Variants in SH3BGRL2 observed in about 807,000 individuals in gnomAD.
The protein encoded by SH3BGRL2 is SH3 domain binding glutamate rich protein like 2.
Under a neutral mutation model 14.8 loss-of-function variants are expected in SH3BGRL2, and 21 were observed. The ratio of observed to expected loss-of-function variants is 1.42; its 90% CI spans 1.01 to 2.05. The LOEUF (loss-of-function observed/expected upper bound fraction) is 2.05, where lower values mean the gene tolerates loss of function less well. Among genes scored for constraint, SH3BGRL2 ranks in the 30% most tolerant of loss-of-function variants. The probability of loss-of-function intolerance (pLI) is 0.00; values close to 1 mark genes in which losing one functional copy is unlikely to be tolerated. For missense variants in SH3BGRL2, 147 were observed against 130.8 expected (o/e 1.12, Z -0.61); for synonymous variants, 50 against 47.8 (o/e 1.05, Z -0.19).
the SH3BGRL2 span, among the ~76,000 whole-genome samples, chr6:79,560,351 T>C: frequency 6.6e-6 from 1 of 152,136 alleles, no homozygotes; most frequent in African/African-American, 2.4e-5. Flanking sequence ...AGTAGAGTTA[T>C]TGAACATATA....
rs1268670133 is a variant in SH3BGRL2, at chr6:79,673,789, G to A, written c.221G>A (p.Arg74Gln). 6 of 1,613,584 alleles carry A rather than the reference G, an allele frequency of 3.7e-6. No homozygotes were observed. Among genetic ancestry groups the A allele is most frequent in the Non-Finnish European group, 4.2e-6 (5 of 1,179,764 alleles). The change falls in exon 2 of 4, where the codon CGA becomes CAA. Residue 74 changes from arginine to glutamine, a missense_variant. By Grantham distance (43) the Arg-to-Gln change is conservative (BLOSUM62 1). Coordinates refer to ENST00000369838, the MANE Select transcript of SH3BGRL2 (RefSeq NM_031469.4). ...CCACCTCAGATATTTAATGGCGACC[G>A]ATACTGTGGAGTAAGTGGCTAGACT... is the stretch of plus-strand genomic sequence containing the variant. ...PLPPQIFNGDRYCGDYDSFFE... is the reference protein window; with the variant it reads ...PLPPQIFNGDQYCGDYDSFFE...
chr6:79,596,179 G>T, the SH3BGRL2 span, among the ~76,000 whole-genome samples: 1 of 152,164 alleles, frequency 6.6e-6, no homozygotes, highest in Non-Finnish European at 1.5e-5. Context: ...TGGAAAGGTG[G>T]CCAAGATCTT....
rs1770436138 is a variant in SH3BGRL2 at position 79,700,640 on chromosome 6, G to T, written c.*1131G>T. On this transcript the variant is annotated 3_prime_UTR_variant, in exon 4 of 4. Coordinates refer to ENST00000369838, the MANE Select transcript of SH3BGRL2 (RefSeq NM_031469.4). Reference sequence around the variant, plus strand: ...CATTCCGTATATGAGCACAAGTAAGGTTTCAGAGCAACACACATGAGAAAG... The same window carrying T: ...CATTCCGTATATGAGCACAAGTAAGTTTTCAGAGCAACACACATGAGAAAG... 6.6e-6 allele frequency: 1 copy of T among 152,114 alleles called. No individual in the cohort carries two copies. Among genetic ancestry groups the T allele is most frequent in the Non-Finnish European group, 1.5e-5 (1 of 68,026 alleles). 9.4% of individuals were successfully genotyped at this position (152,114 alleles called of 1,614,324 possible).
At chr6:79,575,140 C>G in the SH3BGRL2 span, 1 of 152,212 alleles carries the variant, frequency 6.6e-6, no homozygotes, top group Non-Finnish European at 1.5e-5. Flanking sequence ...ACAGCCATCT[C>G]TCATCAACCA....
chr6:79,611,807 C>T, the SH3BGRL2 span, among the ~76,000 whole-genome samples: 701 of 152,308 alleles, frequency 4.6e-3, 10 homozygotes, highest in African/African-American at 0.016. Context: ...CAGCCATTTA[C>T]TAGCTGCGTT....
chr6:79,628,284 T>G (rs1768766251), upstream of SH3BGRL2, among the ~76,000 whole-genome samples: 1 of 151,988 alleles, frequency 6.6e-6, no homozygotes. Flanking sequence ...AAACTTTTTT[T>G]TTTTGAGAAA....
At chr6:79,577,653 G>T in the SH3BGRL2 span, among the ~76,000 whole-genome samples, 11 of 152,190 alleles carry the variant, frequency 7.2e-5, no homozygotes, top group Non-Finnish European at 1.5e-4. Context: ...AAGGATGTAA[G>T]GGGAAGATGG....
chr6:79,641,150 TTGTGTG>T (rs373404859), intron 1 of SH3BGRL2, among the ~76,000 whole-genome samples: 9,251 of 141,336 alleles, frequency 0.065, 543 homozygotes, highest in East Asian at 0.19. Flanking sequence ...TCTCACCCTT[TTGTGTG>T]TGTGTGTGTG....
chr6:79,646,032 C>T (rs567255852), intron 1 of SH3BGRL2, among the ~76,000 whole-genome samples: 52 of 152,334 alleles, frequency 3.4e-4, no homozygotes, highest in African/African-American at 1.1e-3. Flanking sequence ...TTGTGCTGGA[C>T]AACTCTTTGT....
chr6:79,568,058 G>C, the SH3BGRL2 span, among the ~76,000 whole-genome samples: 1 of 152,120 alleles, frequency 6.6e-6, no homozygotes, highest in South Asian at 2.1e-4. Context: ...AAATTTTAAA[G>C]CTGACAAATC....
chr6:79,656,415 C>T (rs903315972), intron 1 of SH3BGRL2, among the ~76,000 whole-genome samples: 1 of 152,158 alleles, frequency 6.6e-6, no homozygotes, highest in Non-Finnish European at 1.5e-5. Context: ...ATTCTTCCTT[C>T]TAGAATCCAC....
chr6:79,699,640 G>C lies in SH3BGRL2; in HGVS notation c.*131G>C, dbSNP rs182771856. The C allele has an allele frequency of 3.8e-5, 48 of 1,258,826 alleles. No homozygotes were observed. The highest frequency in any genetic ancestry group is 3.7e-4 in the South Asian group (16 of 43,624). The allele number at this position is 1,258,826 out of a possible 1,614,324, so 78.0% of individuals were successfully genotyped here. A position where few individuals can be genotyped will look rare whatever the true frequency, so the allele number is the denominator to read the frequency against. On this transcript the variant is annotated 3_prime_UTR_variant, in exon 4 of 4. Transcript: ENST00000369838. Reference sequence around the variant, plus strand: ...CAGTAACTTTGCTTGCCACGGAAAAGGTGTTTTTGAAAGATGTGGCTATAA... The same window carrying C: ...CAGTAACTTTGCTTGCCACGGAAAACGTGTTTTTGAAAGATGTGGCTATAA...
the SH3BGRL2 span, among the ~76,000 whole-genome samples, chr6:79,590,428 T>G: frequency 1.2e-3 from 76 of 62,530 alleles, no homozygotes; most frequent in African/African-American, 3.6e-3. Flanking sequence ...AAATGTGATA[T>G]ATATATATAT....
chr6:79,608,938 C>CT, the SH3BGRL2 span, among the ~76,000 whole-genome samples: 1 of 152,146 alleles, frequency 6.6e-6, no homozygotes. Flanking sequence ...ATGCAGAGCC[C>CT]TATACTAACA....
chr6:79,693,031 A>C (rs948270515), intron 2 of SH3BGRL2, among the ~76,000 whole-genome samples: 34 of 151,936 alleles, frequency 2.2e-4, no homozygotes, highest in Middle Eastern at 3.4e-3. Context: ...CCTTTATTTC[A>C]TTGAGCAGTG....
At chr6:79,549,076 T>C in the SH3BGRL2 span, among the ~76,000 whole-genome samples, 1 of 152,326 alleles carries the variant, frequency 6.6e-6, no homozygotes, top group Admixed American at 6.5e-5. Flanking sequence ...TCTAATCCTC[T>C]GTTTCCCAAA....
At chr6:79,686,873 G>T (rs1374851664) in intron 2 of SH3BGRL2, among the ~76,000 whole-genome samples, 2 of 152,218 alleles carry the variant, frequency 1.3e-5, no homozygotes, top group Non-Finnish European at 2.9e-5. Context: ...AACTCCTCAG[G>T]TGCCCGTGAA....
chr6:79,639,625 C>T (rs1035241356), intron 1 of SH3BGRL2, among the ~76,000 whole-genome samples: 1 of 152,078 alleles, frequency 6.6e-6, no homozygotes. Flanking sequence ...CCACCAACAA[C>T]AAAAATACTT....
the SH3BGRL2 span, among the ~76,000 whole-genome samples, chr6:79,602,413 G>A: frequency 6.6e-6 from 1 of 152,310 alleles, no homozygotes; most frequent in East Asian, 1.9e-4. Context: ...ATAAGATTCA[G>A]GGAGAACAGG....
Sources: allele counts gnomAD v4.1 joint callset (sites outside exome capture counted in the v4.1 genomes callset), GRCh38; gene constraint gnomAD v4.1.1; transcripts MANE v1.5; gene names NCBI Gene and HGNC (gene_info 2026-07-23, HGNC 2026-07-21).